Variants in LINGO1 observed in about 807,000 individuals in gnomAD.
LINGO1 encodes leucine rich repeat and Ig domain containing 1, also known as leucine-rich repeat and immunoglobulin-like domain-containing nogo receptor-interacting protein 1.
A neutral mutation model predicts 37.3 loss-of-function variants in LINGO1; 11 were observed. That is an observed-to-expected ratio of 0.29 (90% CI 0.19 to 0.49). LINGO1 has a LOEUF of 0.49. Among genes scored for constraint, LINGO1 ranks in the 20% least tolerant of loss-of-function variants. The pLI is 0.99. For synonymous variants in LINGO1, 387 were observed against 403.0 expected (o/e 0.96, Z 0.48); for missense variants, 585 against 878.2 (o/e 0.67, Z 4.22).
chr15:77,632,276 C>A lies in LINGO1; in HGVS notation c.6+34G>T, dbSNP rs1168365012. 2.1e-6 allele frequency: 3 copies of A among 1,400,066 alleles called. No homozygotes were observed. Among genetic ancestry groups the A allele is most frequent in the Non-Finnish European group, 2.8e-6 (3 of 1,079,184 alleles). 86.7% of individuals were successfully genotyped at this position (1,400,066 alleles called of 1,614,324 possible). A position where few individuals can be genotyped will look rare whatever the true frequency, so the allele number is the denominator to read the frequency against. ...CCAGGGGCACTCGCCGCGGGGCTGCCCGCTCGGGGCTCGGCCGCGGCCGCC... is the reference window on the plus strand; with the variant it reads ...CCAGGGGCACTCGCCGCGGGGCTGCACGCTCGGGGCTCGGCCGCGGCCGCC... On this transcript the variant is annotated intron_variant, in intron 1 of 1. Transcript: ENST00000355300. This position sits in a 1 kb window ranked among gnomAD's most constrained non-coding sequence, Gnocchi z 6.0.
At chr15:77,778,894 C>T (rs1419654669) in intron 1 of LINGO1, among the ~76,000 whole-genome samples, 3 of 152,144 alleles carry the variant, frequency 2.0e-5, no homozygotes, top group Non-Finnish European at 2.9e-5. Flanking sequence ...AAAGCCAAAG[C>T]CCTGAGAGCG....
At chr15:77,811,710 T>A (rs1159020220) in intron 1 of LINGO1, among the ~76,000 whole-genome samples, 1 of 152,196 alleles carries the variant, frequency 6.6e-6, no homozygotes, top group Non-Finnish European at 1.5e-5. Context: ...ATGAAAAAAA[T>A]TTGAGACCAC....
At chr15:77,697,274 A>G (rs905334746), upstream of LINGO1, among the ~76,000 whole-genome samples, 1 of 152,190 alleles carries the variant, frequency 6.6e-6, no homozygotes, top group Non-Finnish European at 1.5e-5. Context: ...TCAGGGCACA[A>G]GGTGACAAGG....
At chr15:77,782,452 C>T (rs1444563391) in intron 1 of LINGO1, among the ~76,000 whole-genome samples, 2 of 152,128 alleles carry the variant, frequency 1.3e-5, no homozygotes, top group East Asian at 1.9e-4. Flanking sequence ...ATGAGATGAC[C>T]CACATATTAG....
intron 1 of LINGO1, among the ~76,000 whole-genome samples, chr15:77,814,436 A>T (rs534459572): frequency 6.6e-6 from 1 of 152,350 alleles, no homozygotes; most frequent in Admixed American, 6.5e-5. Context: ...AAAATTATAA[A>T]GCAGATTTTG....
At chr15:77,797,110 C>A (rs574598724) in intron 1 of LINGO1, among the ~76,000 whole-genome samples, 6 of 152,344 alleles carry the variant, frequency 3.9e-5, no homozygotes, top group African/African-American at 1.4e-4. Context: ...CTTGGCAAGG[C>A]TCTGAGGCGT....
Position 77,719,782 on chromosome 15 carries a change from ACT to A in LINGO1, c.-195+15208_-195+15209del, listed in dbSNP as rs1206650075. 1.4e-4 allele frequency among the ~76,000 whole-genome samples: 16 copies of A among 116,488 alleles called. 4 individuals are homozygous for A. In the East Asian group the frequency reaches 2.9e-3, roughly 21 times the overall value. The allele number at this position is 116,488 out of a possible 152,430, so 76.4% of individuals were successfully genotyped here. ...CATTCACACACTCACACATACACAAACTCACATTCACACACACACGCACACTC... is the reference window on the plus strand; with the variant it reads ...CATTCACACACTCACACATACACAAACACATTCACACACACACGCACACTC... On this transcript the variant is annotated intron_variant, in intron 2 of 3. Coordinates refer to the LINGO1 transcript ENST00000561686.
At chr15:77,760,916 C>CTTTTTTTTTTTTTTTT (rs34524098) in intron 1 of LINGO1, among the ~76,000 whole-genome samples, 1 of 96,400 alleles carries the variant, frequency 1.0e-5, no homozygotes, top group African/African-American at 4.9e-5. Flanking sequence ...TAATAAGTAT[C>CTTTTTTTTTTTTTTTT]TTTTTTTTTT....
intron 3 of LINGO1, among the ~76,000 whole-genome samples, chr15:77,646,023 G>A (rs763664656): frequency 6.6e-6 from 1 of 152,234 alleles, no homozygotes; most frequent in African/African-American, 2.4e-5. Flanking sequence ...AGCAGGGATG[G>A]TGTCTGCCTC....
chr15:77,616,029 TCCAGATGCCCAGG>T, intron 1 of LINGO1, 129 bp from the exon 2 acceptor site: 1 of 612,268 alleles, frequency 1.6e-6, no homozygotes, highest in East Asian at 2.9e-5. Context: ...AGAGGCAGGG[TCCAGATGCCCAGG>T]CCAGAGGGCC....
intron 1 of LINGO1, among the ~76,000 whole-genome samples, chr15:77,752,737 TCC>T (rs1359211011): frequency 1.1e-4 from 16 of 152,092 alleles, no homozygotes. Context: ...TCCCACTGTG[TCC>T]CTGTGCTGGT....
At chr15:77,657,796 G>A (rs890034066) in intron 3 of LINGO1, among the ~76,000 whole-genome samples, 1 of 152,186 alleles carries the variant, frequency 6.6e-6, no homozygotes, top group Admixed American at 6.5e-5. Context: ...AGGCTCCGCC[G>A]CGGGGGCTTG....
Position 77,632,430 on chromosome 15 carries a change from A to G in LINGO1, c.-115T>C. 8.8e-7 allele frequency: 1 copy of G among 1,132,648 alleles called. No homozygotes were observed. Among genetic ancestry groups the G allele is most frequent in the African/African-American group, 1.6e-5 (1 of 60,660 alleles). The allele number at this position is 1,132,648 out of a possible 1,614,324, so 70.2% of individuals were successfully genotyped here. On this transcript the variant is annotated 5_prime_UTR_variant, in exon 1 of 2. Transcript: ENST00000355300. This position sits in a 1 kb window ranked among gnomAD's most constrained non-coding sequence, Gnocchi z 6.0. ...CTCCTCCGTTTCCTCCTCCTCCGAC[A>G]CCTCCGCCCGGCAGTCCGCGCGCCC...
chr15:77,689,132 G>C (rs1183433888), intron 2 of LINGO1, among the ~76,000 whole-genome samples: 1 of 152,200 alleles, frequency 6.6e-6, no homozygotes, highest in Non-Finnish European at 1.5e-5. Flanking sequence ...AGGAACCGCA[G>C]GTGAAGGTTG....
intron 1 of LINGO1, among the ~76,000 whole-genome samples, chr15:77,627,229 T>C (rs560574706): frequency 6.6e-6 from 1 of 152,046 alleles, no homozygotes; most frequent in Admixed American, 6.5e-5. Flanking sequence ...GAAATAGGCA[T>C]AATTATTCCG....
intron 1 of LINGO1, among the ~76,000 whole-genome samples, chr15:77,753,756 T>C (rs72730705): frequency 0.028 from 4,304 of 152,266 alleles, 94 homozygotes; most frequent in Middle Eastern, 0.061. Flanking sequence ...ACACCAAGTG[T>C]GCACACACAA....
chr15:77,815,286 G>A (rs1293174967), intron 1 of LINGO1, among the ~76,000 whole-genome samples: 2 of 151,636 alleles, frequency 1.3e-5, no homozygotes, highest in East Asian at 1.9e-4. Flanking sequence ...CTGAGGCCCC[G>A]GCCACCCCAC....
At chr15:77,616,499 T>C (rs1224218629) in intron 1 of LINGO1, among the ~76,000 whole-genome samples, 2 of 152,220 alleles carry the variant, frequency 1.3e-5, no homozygotes, top group Admixed American at 6.5e-5. Context: ...ATCAGCTCTG[T>C]GGCTGGGTCT....
intron 1 of LINGO1, among the ~76,000 whole-genome samples, chr15:77,779,641 T>TG (rs1481307429): frequency 1.3e-5 from 2 of 152,104 alleles, no homozygotes; most frequent in African/African-American, 2.4e-5. Context: ...ACTGATCTTA[T>TG]GGGGGCGGAG....
Sources: allele counts gnomAD v4.1 joint callset (sites outside exome capture counted in the v4.1 genomes callset), GRCh38; gene constraint gnomAD v4.1.1; non-coding constraint Gnocchi (gnomAD v3.1); transcripts MANE v1.5; gene names NCBI Gene and HGNC (gene_info 2026-07-23, HGNC 2026-07-21).